Variants in SKIDA1 observed in about 807,000 individuals in gnomAD.
The protein encoded by SKIDA1 is SKI/DACH domain containing 1.
SKIDA1 carries 18 observed loss-of-function variants against 51.4 expected under a neutral mutation model. That is an observed-to-expected ratio of 0.35 (90% confidence interval 0.24 to 0.52). The LOEUF is 0.52. SKIDA1 is among the 20% of genes least tolerant of loss of function. The pLI, the probability that SKIDA1 is intolerant of heterozygous loss-of-function variation, is 0.95. For missense variants in SKIDA1, 1,104 were observed against 1,180.6 expected (o/e 0.94, Z 0.95); for synonymous variants, 579 against 500.5 (o/e 1.16, Z -2.09).
Position 21,515,907 on chromosome 10 carries a change from A to C in SKIDA1, c.1916T>G (p.Leu639Arg), listed in dbSNP as rs768638933. The change falls in exon 4 of 4, where the codon CTT becomes CGT. Residue 639 changes from leucine (L) to arginine (R), a missense_variant. This residue lies in a region of SKIDA1 where 938 missense variants were observed against 886.4 expected (regional missense o/e 1.06). Transcript: ENST00000449193. Reference protein sequence around the residue: ...EANSEKYSKILHCPEFATDLP... With the variant: ...EANSEKYSKIRHCPEFATDLP... ...ATCCGTAGCAAATTCAGGACAATGA[A>C]GGATTTTGGAATATTTTTCTGAATT... 6.2e-7 allele frequency: 1 copy of C among 1,614,058 alleles called. No homozygotes were observed. Among genetic ancestry groups the C allele is most frequent in the East Asian group, 2.2e-5 (1 of 44,888 alleles).
Position 21,515,943 on chromosome 10 carries a change from C to T in SKIDA1, c.1880G>A (p.Gly627Glu), listed in dbSNP as rs1461456102. ...ATATTTTTCTGAATTTGCTTCTGCTCCTGAAGAATCATTATTTAAGAACCT... is the reference window on the plus strand; with the variant it reads ...ATATTTTTCTGAATTTGCTTCTGCTTCTGAAGAATCATTATTTAAGAACCT... ...AARFLNNDSS[G>E]AEANSEKYSK... Residue 627 changes from glycine to glutamate, a missense_variant, in exon 4 of 4, where the codon GGA (glycine) becomes GAA (glutamate). Physicochemically the swap from Gly to Glu is moderately conservative, Grantham distance 98. Coordinates refer to ENST00000449193, the MANE Select transcript of SKIDA1 (RefSeq NM_207371.4). 1.9e-6 allele frequency: 3 copies of T among 1,613,710 alleles called. No individual in the cohort carries two copies. Among genetic ancestry groups the T allele is most frequent in the East Asian group, 4.5e-5 (2 of 44,884 alleles).
chr10:21,523,265 G>A (rs1271502166), intron 2 of SKIDA1, among the ~76,000 whole-genome samples: 2 of 152,080 alleles, frequency 1.3e-5, no homozygotes, highest in East Asian at 1.9e-4. Flanking sequence ...TGAATCTGTG[G>A]GCACATTCCC....
rs777496627 is a variant in SKIDA1 at position 21,515,494 on chromosome 10, C to A, written c.2329G>T (p.Val777Leu). 1.9e-6 allele frequency: 3 copies of A among 1,613,986 alleles called. No individual in the cohort carries two copies. The highest frequency in any genetic ancestry group is 1.1e-5 in the South Asian group (1 of 91,082). ...EDGEYKFGAR[V>L]RKNYRTLVLG... ...ACTAGTGTCCGGTAATTTTTTCTCA[C>A]CCTGGCACCAAATTTATATTCCCCA... Residue 777 changes from valine to leucine, a missense_variant, in exon 4 of 4, where the codon GTG (valine) becomes TTG (leucine). Physicochemically the swap from Val to Leu is conservative, Grantham distance 32 (BLOSUM62 1). Transcript: ENST00000449193.
rs750593790 is a variant in SKIDA1 at position 21,515,297 on chromosome 10, C to T, written c.2526G>A (p.Arg842=). The T allele has an allele frequency of 6.2e-7, 1 of 1,613,960 alleles. No individual in the cohort carries two copies. The highest frequency in any genetic ancestry group is 8.5e-7 in the Non-Finnish European group (1 of 1,179,890). ...VASNVASAVK[R]PFHFMANFPC... is the part of the protein sequence containing the mutation. ...GAAAATTTGCCATGAAATGAAATGG[C>T]CTTTTCACTGCTGATGCTACATTGC... Residue 842 remains arginine (R), a synonymous_variant, in exon 4 of 4, where the codon AGG becomes AGA. Transcript: ENST00000449193.
chr10:21,520,642 A>C, intron 3 of SKIDA1, among the ~76,000 whole-genome samples: 1 of 139,804 alleles, frequency 7.2e-6, no homozygotes, highest in South Asian at 2.3e-4. Flanking sequence ...TCCTGTTTAT[A>C]TTTCCTCTCT....
In SKIDA1 at chr10:21,517,026, C is replaced by G; in HGVS notation, c.797G>C (p.Ser266Thr). The change falls in exon 4 of 4, where the codon AGC becomes ACC. Residue 266 changes from serine (S) to threonine (T), a missense_variant. Ser to Thr is a moderately conservative substitution (Grantham distance 58, BLOSUM62 1). Coordinates refer to ENST00000449193, the MANE Select transcript of SKIDA1 (RefSeq NM_207371.4). The surrounding 1 kb of genome is among the most constrained non-coding windows in gnomAD (Gnocchi z 6.9). ...CTTGCGCTTGCAGCGGTAGCTCAGGCTCCCCGGGCCTCCGGCGCCCGCCGC... is the reference window on the plus strand; with the variant it reads ...CTTGCGCTTGCAGCGGTAGCTCAGGGTCCCCGGGCCTCCGGCGCCCGCCGC... ...KAAAGAGGPG[S>T]LSYRCKRKRG... is the part of the protein sequence containing the mutation. 3 of 1,054,408 alleles carry G rather than the reference C, an allele frequency of 2.8e-6. No individual in the cohort carries two copies. Among genetic ancestry groups the G allele is most frequent in the Non-Finnish European group, 3.4e-6 (3 of 877,996 alleles). The allele number at this position is 1,054,408 out of a possible 1,614,324, so 65.3% of individuals were successfully genotyped here. A position where few individuals can be genotyped will look rare whatever the true frequency, so the allele number is the denominator to read the frequency against.
rs2032267718 is a variant in SKIDA1 at position 21,517,248 on chromosome 10, G to A, written c.575C>T (p.Pro192Leu). ...GAGCGGGGCAGTTTCATAGTTTAGAGGGGGTTTGCACGGCGAGCGCACGAT... is the reference window on the plus strand; with the variant it reads ...GAGCGGGGCAGTTTCATAGTTTAGAAGGGGTTTGCACGGCGAGCGCACGAT... The part of the protein sequence containing the change: ...PEIVRSPCKP[P>L]LNYETAPLQG... The change falls in exon 4 of 4, where the codon CCT (proline) becomes CTT (leucine). Residue 192 changes from proline (P) to leucine (L), a missense_variant. Pro to Leu is a moderately conservative substitution (Grantham distance 98). This residue lies in a region of SKIDA1 where 938 missense variants were observed against 886.4 expected (regional missense o/e 1.06). Coordinates refer to ENST00000449193, the MANE Select transcript of SKIDA1 (RefSeq NM_207371.4). The surrounding 1 kb of genome is among the most constrained non-coding windows in gnomAD (Gnocchi z 6.9). 5 of 1,474,828 alleles carry A rather than the reference G, an allele frequency of 3.4e-6. No individual in the cohort carries two copies. The highest frequency in any genetic ancestry group is 4.5e-6 in the Non-Finnish European group (5 of 1,110,092). The allele number at this position is 1,474,828 out of a possible 1,614,324, so 91.4% of individuals were successfully genotyped here. A position where few individuals can be genotyped will look rare whatever the true frequency, so the allele number is the denominator to read the frequency against.
Position 21,515,457 on chromosome 10 carries a change from C to T in SKIDA1, c.2366G>A (p.Arg789Gln), listed in dbSNP as rs200920908. 1,394 of 1,613,998 alleles carry T rather than the reference C, an allele frequency of 8.6e-4. 2 individuals are homozygous for T. The highest frequency in any genetic ancestry group is 1.2e-3 in the Middle Eastern group (7 of 6,062). The change falls in exon 4 of 4, where the codon CGA (arginine) becomes CAA (glutamine). Residue 789 changes from arginine to glutamine, a missense_variant. Transcript: ENST00000449193. ...GACTGGAGGTGTCTGAAGGACAGGT[C>T]GCTTTCCCAGTACTAGTGTCCGGTA... ...KNYRTLVLGK[R>Q]PVLQTPPVKP...
rs1306932754 is a variant in SKIDA1 at position 21,518,971 on chromosome 10, C to A, written c.-1149G>T. On this transcript the variant is annotated 5_prime_UTR_variant, in exon 4 of 4. Coordinates refer to ENST00000449193, the MANE Select transcript of SKIDA1 (RefSeq NM_207371.4). ...GTAACAATTCAACTGGATTTCGGTT[C>A]TCTGCTGGGGGGTGGGGTGGGGAGG... 6.0e-6 allele frequency: 1 copy of A among 165,490 alleles called. No homozygotes were observed. Among genetic ancestry groups the A allele is most frequent in the East Asian group, 1.9e-4 (1 of 5,150 alleles). 10.3% of individuals were successfully genotyped at this position (165,490 alleles called of 1,614,324 possible). A position where few individuals can be genotyped will look rare whatever the true frequency, so the allele number is the denominator to read the frequency against.
Position 21,514,943 on chromosome 10 carries a change from G to T in SKIDA1, c.*153C>A. The T allele has an allele frequency of 4.6e-6, 2 of 438,642 alleles. No homozygotes were observed. Among genetic ancestry groups the T allele is most frequent in the Non-Finnish European group, 2.8e-6 (1 of 357,776 alleles). The allele number at this position is 438,642 out of a possible 1,614,324, so 27.2% of individuals were successfully genotyped here. On this transcript the variant is annotated 3_prime_UTR_variant, in exon 4 of 4. Transcript: ENST00000449193. Reference sequence around the variant, plus strand: ...AGAAAAAAAAAAAAAAACCCGCAACGGAAAAAAAGTAATCCGATTTCTGTC... The same window carrying T: ...AGAAAAAAAAAAAAAAACCCGCAACTGAAAAAAAGTAATCCGATTTCTGTC...
In SKIDA1 at chr10:21,516,971, C is replaced by T; in HGVS notation, c.852G>A (p.Ala284=). ...KRGGAKDCLL[A]PHAGARRLLL... is the part of the protein sequence containing the mutation. ...GCAGGCGCCGCGCGCCGGCGTGAGG[C>T]GCGAGCAGGCAGTCCTTGGCGCCGC... Residue 284 remains alanine, a synonymous_variant, in exon 4 of 4, where the codon GCG becomes GCA. Transcript: ENST00000449193. The surrounding 1 kb of genome is among the most constrained non-coding windows in gnomAD (Gnocchi z 5.7). 1 of 1,146,280 alleles carries T rather than the reference C, an allele frequency of 8.7e-7. No individual in the cohort carries two copies. The highest frequency in any genetic ancestry group is 3.9e-5 in the Admixed American group (1 of 25,450). 71.0% of individuals were successfully genotyped at this position (1,146,280 alleles called of 1,614,324 possible).
Position 21,522,467 on chromosome 10 carries a change from C to T in SKIDA1, c.-1928-987G>A, listed in dbSNP as rs551251275. ...TAACTAAAAGTAACTATAATATTCACAAGATAAAAGTTTAAAATAATAATA... is the reference window on the plus strand; with the variant it reads ...TAACTAAAAGTAACTATAATATTCATAAGATAAAAGTTTAAAATAATAATA... On this transcript the variant is annotated intron_variant, in intron 2 of 3. Coordinates refer to ENST00000449193, the MANE Select transcript of SKIDA1 (RefSeq NM_207371.4). Among the ~76,000 whole-genome samples, 30 of 152,088 alleles carry T rather than the reference C, an allele frequency of 2.0e-4. 1 individual carries two copies. In the South Asian group the frequency reaches 5.6e-3, roughly 28 times the overall value.
rs1330766917 is a variant in SKIDA1 at position 21,519,471 on chromosome 10, C to T, written c.-1649G>A. ...AATATTGCCAAATGAGAGCAAGGGTCCTCCCAGTCGCATTACCACGATCCC... is the reference window on the plus strand; with the variant it reads ...AATATTGCCAAATGAGAGCAAGGGTTCTCCCAGTCGCATTACCACGATCCC... On this transcript the variant is annotated 5_prime_UTR_variant, in exon 4 of 4. Coordinates refer to ENST00000449193, the MANE Select transcript of SKIDA1 (RefSeq NM_207371.4). 2 of 167,008 alleles carry T rather than the reference C, an allele frequency of 1.2e-5. No homozygotes were observed. The highest frequency in any genetic ancestry group is 1.3e-4 in the Admixed American group (2 of 15,276). The allele number at this position is 167,008 out of a possible 1,614,324, so 10.3% of individuals were successfully genotyped here.
chr10:21,516,459 C>CCGGAGCTGGAGT lies in SKIDA1; in HGVS notation c.1352_1363dup (p.Asp451_Ser454dup). On this transcript the variant is annotated inframe_insertion, in exon 4 of 4. Transcript: ENST00000449193. This position sits in a 1 kb window ranked among gnomAD's most constrained non-coding sequence, Gnocchi z 5.7. ...GCTCTGCACTGACACTTGGCTGGAG[C>CCGGAGCTGGAGT]CGGAGCTGGAGTCCGACTCGGTGGA... The CCGGAGCTGGAGT allele has an allele frequency of 6.2e-7, 1 of 1,612,214 alleles. No individual in the cohort carries two copies.
chr10:21,519,848 A>ACCCCCACCCCCC (rs2032344111), intron 3 of SKIDA1, among the ~76,000 whole-genome samples, 190 bp from the exon 4 acceptor site: 1 of 54,742 alleles, frequency 1.8e-5, no homozygotes, highest in Non-Finnish European at 3.7e-5. Context: ...CCCCACCCCC[A>ACCCCCACCCCCC]CCCTCATCTC....
At position 21,516,887 on chromosome 10, in the gene SKIDA1, CGCT is replaced by C. The variant is rs1258521782; in HGVS notation, c.933_935del (p.Ala318del). ...TGGCCCCCGCGGCGGCCGCCGCCGC[CGCT>C]GCCGCCGCCGCCGCCGCCGCCGCCG... On this transcript the variant is annotated inframe_deletion, in exon 4 of 4. Transcript: ENST00000449193. The surrounding 1 kb of genome is among the most constrained non-coding windows in gnomAD (Gnocchi z 5.7). The C allele has an allele frequency of 5.0e-5, 58 of 1,157,108 alleles. 1 individual carries two copies. In the Middle Eastern group the frequency reaches 1.0e-3, roughly 20 times the overall value. The allele number at this position is 1,157,108 out of a possible 1,614,324, so 71.7% of individuals were successfully genotyped here.
rs879606256 is a variant in SKIDA1 at position 21,519,126 on chromosome 10, C to CT, written c.-1305dup. ...CCCCAGCAAAGCCTTTGCCAGGGTC[C>CT]TGTTCACCACAGGTCAGAATTCCAG... On this transcript the variant is annotated 5_prime_UTR_variant, in exon 4 of 4. Coordinates refer to ENST00000449193, the MANE Select transcript of SKIDA1 (RefSeq NM_207371.4). The CT allele has an allele frequency of 6.0e-6, 1 of 167,074 alleles. No homozygotes were observed. Among genetic ancestry groups the CT allele is most frequent in the Non-Finnish European group, 1.5e-5 (1 of 68,126 alleles). 10.3% of individuals were successfully genotyped at this position (167,074 alleles called of 1,614,324 possible).
chr10:21,516,914 C>A lies in SKIDA1; in HGVS notation c.909G>T (p.Ala303=). 8.7e-7 allele frequency: 1 copy of A among 1,145,794 alleles called. No homozygotes were observed. The allele number at this position is 1,145,794 out of a possible 1,614,324, so 71.0% of individuals were successfully genotyped here. A position where few individuals can be genotyped will look rare whatever the true frequency, so the allele number is the denominator to read the frequency against. ...CTGCCGCCGCCGCCGCCGCCGCCGC[C>A]GCCTTGGCTTTGTAGGACCTGGGCA... ...LLLPRSYKAK[A]AAAAAAAAAA... is the part of the protein sequence containing the mutation. Residue 303 remains alanine, a synonymous_variant, in exon 4 of 4, where the codon GCG becomes GCT. Transcript: ENST00000449193. This position sits in a 1 kb window ranked among gnomAD's most constrained non-coding sequence, Gnocchi z 5.7.
At position 21,518,355 on chromosome 10, in the gene SKIDA1, T is replaced by TA. The variant is rs2032302456; in HGVS notation, c.-534dup. On this transcript the variant is annotated 5_prime_UTR_variant, in exon 4 of 4. The change abolishes the stop of an existing upstream ORF in the 5' untranslated region. Transcript: ENST00000449193. ...TGGACACTCCTGACAGGTGATGCAA[T>TA]AAAAATTGATATTCCACCCCTTCCC... The TA allele has an allele frequency of 6.0e-6, 1 of 167,152 alleles. No individual in the cohort carries two copies. Among genetic ancestry groups the TA allele is most frequent in the Admixed American group, 6.5e-5 (1 of 15,282 alleles). The allele number at this position is 167,152 out of a possible 1,614,324, so 10.4% of individuals were successfully genotyped here. A position where few individuals can be genotyped will look rare whatever the true frequency, so the allele number is the denominator to read the frequency against.
Sources: gnomAD v4.1 joint callset for allele counts (sites outside exome capture counted in the v4.1 genomes callset) on GRCh38, gnomAD v4.1.1 for gene constraint, gnomAD v4.1.1 regional missense constraint, Gnocchi (gnomAD v3.1) non-coding constraint, MANE v1.5 for transcripts, NCBI Gene and HGNC (gene_info 2026-07-23, HGNC 2026-07-21) for gene names.